The following MYO10 variants were observed in gnomAD, a reference collection of about 807,000 sequenced individuals.
MYO10 encodes the protein unconventional myosin-X.
A neutral mutation model predicts 257.3 loss-of-function variants in MYO10; 133 were observed. That is an observed-to-expected ratio of 0.52 (90% confidence interval 0.45 to 0.60). MYO10 has a LOEUF of 0.60. MYO10 is among the 20% of genes least tolerant of loss of function. MYO10 has a pLI of 0.00. For missense variants in MYO10, 2,399 were observed against 2,635.7 expected, an observed-to-expected ratio of 0.91 and a Z score of 1.97; for synonymous variants, 1,104 against 1,028.6, an observed-to-expected ratio of 1.07 and a Z score of -1.40.
intron 5 of MYO10, 151 bp downstream of exon 5, chr5:16,783,184 A>T: frequency 1.3e-6 from 1 of 773,634 alleles, no homozygotes; most frequent in Non-Finnish European, 2.0e-6. Flanking sequence ...AGATATTACT[A>T]TGTGCATGGC....
chr5:16,802,843 G>A (rs1249840513), intron 3 of MYO10, among the ~76,000 whole-genome samples: 1 of 151,994 alleles, frequency 6.6e-6, no homozygotes, highest in Non-Finnish European at 1.5e-5. Flanking sequence ...GAGGTTGGGT[G>A]TGGTGGCTCA....
intron 19 of MYO10, among the ~76,000 whole-genome samples, chr5:16,751,647 A>G (rs1038625921): frequency 6.7e-6 from 1 of 148,980 alleles, no homozygotes. Flanking sequence ...AAACCTGGCT[A>G]ATTTTTTTTT....
intron 19 of MYO10, among the ~76,000 whole-genome samples, chr5:16,731,113 T>C (rs759848102): frequency 6.1e-4 from 92 of 151,746 alleles, no homozygotes; most frequent in Admixed American, 7.2e-4. Flanking sequence ...TGGCACGATC[T>C]TGGCTCACTG....
At chr5:16,890,573 C>G (rs1158645095) in intron 1 of MYO10, among the ~76,000 whole-genome samples, 1 of 151,722 alleles carries the variant, frequency 6.6e-6, no homozygotes, top group Non-Finnish European at 1.5e-5. Flanking sequence ...GACGTGGTGG[C>G]TCACGCTTGT....
Position 16,702,552 on chromosome 5 carries a change from G to C in MYO10, c.2547C>G (p.Arg849=). ...RERERREAEL[R]AQQEEETRKQ... is the part of the protein sequence containing the mutation. ...TCACTGCACTCATTACCTGCTGGGCGCGGAGCTCGGCTTCTCTTCGCTCTC... is the reference window on the plus strand; with the variant it reads ...TCACTGCACTCATTACCTGCTGGGCCCGGAGCTCGGCTTCTCTTCGCTCTC... Residue 849 remains arginine (R), a synonymous_variant, in exon 24 of 41, where the codon CGC becomes CGG. Transcript: ENST00000513610. 6.3e-7 allele frequency: 1 copy of C among 1,591,308 alleles called. No individual in the cohort carries two copies. The highest frequency in any genetic ancestry group is 1.2e-5 in the South Asian group (1 of 86,822).
At chr5:16,727,048 G>A (rs909437331) in intron 19 of MYO10, among the ~76,000 whole-genome samples, 9 of 152,086 alleles carry the variant, frequency 5.9e-5, no homozygotes, top group Non-Finnish European at 8.8e-5. Flanking sequence ...GTGCTCTAGA[G>A]ATAATTACAC....
Position 16,676,075 on chromosome 5 carries a change from T to C in MYO10, c.4622A>G (p.His1541Arg), listed in dbSNP as rs758912338. Residue 1541 changes from histidine to arginine, a missense_variant, in exon 34 of 41, where the codon CAC becomes CGC. Physicochemically the swap from His to Arg is conservative, Grantham distance 29. Around this residue, in one of 3 missense-constraint regions of MYO10, gnomAD observed 1,820 missense variants for 1,939.4 expected, o/e 0.94. Coordinates refer to ENST00000513610, the MANE Select transcript of MYO10 (RefSeq NM_012334.3). Reference sequence around the variant, plus strand: ...ATACGGAAGGGGCAGGAGCGGGGAGTGCAAGGGGTGATGGGTGTATCGAAG... The same window carrying C: ...ATACGGAAGGGGCAGGAGCGGGGAGCGCAAGGGGTGATGGGTGTATCGAAG... The part of the protein sequence containing the change: ...PILRYTHHPL[H>R]SPLLPLPYGD... 9 of 1,612,556 alleles carry C rather than the reference T, an allele frequency of 5.6e-6. No individual in the cohort carries two copies. The South Asian group carries it at 9.9e-5, about 18-fold the overall frequency.
intron 1 of MYO10, among the ~76,000 whole-genome samples, chr5:16,888,022 T>G (rs1320882112): frequency 6.6e-6 from 1 of 152,222 alleles, no homozygotes; most frequent in Non-Finnish European, 1.5e-5. Flanking sequence ...ACCATCATTA[T>G]GTAGCCAACA....
chr5:16,899,125 A>T (rs1193802103), intron 1 of MYO10, among the ~76,000 whole-genome samples: 3 of 117,828 alleles, frequency 2.5e-5, no homozygotes, highest in Admixed American at 1.9e-4. Context: ...ACAGAACCAG[A>T]CTCTGTCTCA....
chr5:16,930,179 G>C (rs1303241575), intron 1 of MYO10, among the ~76,000 whole-genome samples: 1 of 152,160 alleles, frequency 6.6e-6, no homozygotes, highest in Non-Finnish European at 1.5e-5. Flanking sequence ...GACAGAAAGA[G>C]AGCCAGGTTT....
chr5:16,733,447 GA>G (rs544321990), intron 19 of MYO10, among the ~76,000 whole-genome samples: 2 of 151,240 alleles, frequency 1.3e-5, no homozygotes, highest in African/African-American at 4.9e-5. Flanking sequence ...GATACCAGAA[GA>G]AAAAAAAAGT....
chr5:16,769,494 C>CT (rs1271327179), intron 9 of MYO10, among the ~76,000 whole-genome samples: 1 of 152,184 alleles, frequency 6.6e-6, no homozygotes, highest in Non-Finnish European at 1.5e-5. Flanking sequence ...GCCACCATGC[C>CT]TAGCTAATTT....
At chr5:16,713,612 C>A in intron 19 of MYO10, 1 of 581,242 alleles carries the variant, frequency 1.7e-6, no homozygotes, top group Non-Finnish European at 2.2e-6. Context: ...CGATTGTGTC[C>A]CTGCCCCTTC....
chr5:16,881,214 T>A (rs1015120015), intron 1 of MYO10, among the ~76,000 whole-genome samples: 1 of 152,210 alleles, frequency 6.6e-6, no homozygotes, highest in Non-Finnish European at 1.5e-5. Context: ...TTAGTAAGAA[T>A]GAAATTGAGA....
At chr5:16,824,043 C>T (rs200680081) in intron 2 of MYO10, among the ~76,000 whole-genome samples, 5 of 152,156 alleles carry the variant, frequency 3.3e-5, no homozygotes, top group South Asian at 2.1e-4. Flanking sequence ...ACTGGATTGG[C>T]GTGGGGGCAG....
chr5:16,815,362 G>T, intron 3 of MYO10: 1 of 678,418 alleles, frequency 1.5e-6, no homozygotes, highest in South Asian at 1.6e-5. Flanking sequence ...TATTCCCAAT[G>T]AGCATTTCCT....
At chr5:16,793,834 G>A (rs1419015555) in intron 4 of MYO10, among the ~76,000 whole-genome samples, 1 of 151,896 alleles carries the variant, frequency 6.6e-6, no homozygotes, top group African/African-American at 2.4e-5. Flanking sequence ...GGGAGGCTGA[G>A]GCAGGAGAAT....
intron 19 of MYO10, chr5:16,738,461 A>C: frequency 1.0e-6 from 1 of 969,034 alleles, no homozygotes; most frequent in Non-Finnish European, 1.2e-6. Flanking sequence ...AGTGAGGAGA[A>C]GATTGCTCAA....
chr5:16,676,143 C>T lies in MYO10; in HGVS notation c.4554G>A (p.Leu1518=), dbSNP rs116407268. The change falls in exon 34 of 41, where the codon CTG becomes CTA. Residue 1518 remains leucine, a synonymous_variant. Coordinates refer to ENST00000513610, the MANE Select transcript of MYO10 (RefSeq NM_012334.3). ...QLIQDIKENC[L]NSDVVEQIYK... Reference sequence around the variant, plus strand: ...AAATCTGTTCCACCACATCCGAGTTCAGGCAGTTCTCCTAAAAATAAAGCA... The same window carrying T: ...AAATCTGTTCCACCACATCCGAGTTTAGGCAGTTCTCCTAAAAATAAAGCA... The T allele has an allele frequency of 9.4e-4, 1,512 of 1,612,396 alleles. 10 individuals carry two copies. In the African/African-American group the frequency reaches 0.016, roughly 18 times the overall value.
Sources: allele counts gnomAD v4.1 joint callset (sites outside exome capture counted in the v4.1 genomes callset), GRCh38; gene constraint gnomAD v4.1.1; regional missense constraint gnomAD v4.1.1; transcripts MANE v1.5; gene names NCBI Gene and HGNC (gene_info 2026-07-23, HGNC 2026-07-21).